The following FAF1 variants were observed in gnomAD, a reference collection of about 807,000 sequenced individuals.
FAF1 encodes FAS-associated factor 1.
FAF1 carries 25 observed loss-of-function variants against 92.5 expected under a neutral mutation model. The observed-to-expected ratio is 0.27, with a 90% CI of 0.20 to 0.38. FAF1 has a LOEUF of 0.38. Ranked by LOEUF, FAF1 falls within the 10% of genes least tolerant of loss-of-function variation. FAF1 has a pLI of 1.00. For missense variants in FAF1, 636 were observed against 793.3 expected, an observed-to-expected ratio of 0.80 and a Z score of 2.38; for synonymous variants, 234 against 273.2, an observed-to-expected ratio of 0.86 and a Z score of 1.42.
chr1:50,761,052 ACAAACACCTCTGTG>A (rs1660305721), intron 4 of FAF1, among the ~76,000 whole-genome samples: 2 of 152,258 alleles, frequency 1.3e-5, no homozygotes, highest in African/African-American at 4.8e-5. Context: ...AGAGAATACT[ACAAACACCTCTGTG>A]CAAATAAACT....
chr1:50,514,320 G>A (rs1647178712), intron 15 of FAF1, among the ~76,000 whole-genome samples: 1 of 152,146 alleles, frequency 6.6e-6, no homozygotes, highest in Admixed American at 6.5e-5. Context: ...AACACCAAAT[G>A]AGCATTTGGT....
chr1:50,482,003 A>AT (rs1646709751), intron 17 of FAF1, among the ~76,000 whole-genome samples: 1 of 152,176 alleles, frequency 6.6e-6, no homozygotes, highest in Non-Finnish European at 1.5e-5. Context: ...TTCCTATTTT[A>AT]AAATTAAGGT....
intron 17 of FAF1, among the ~76,000 whole-genome samples, chr1:50,480,652 T>C (rs1646690051): frequency 6.6e-6 from 1 of 152,212 alleles, no homozygotes; most frequent in South Asian, 2.1e-4. Context: ...ATGTGCCACA[T>C]AGGGACTTTT....
chr1:50,488,681 A>G (rs997282941), intron 17 of FAF1, among the ~76,000 whole-genome samples: 65 of 152,196 alleles, frequency 4.3e-4, no homozygotes, highest in African/African-American at 1.5e-3. Flanking sequence ...AAACAGCTTT[A>G]TAGTCATAAA....
intron 6 of FAF1, among the ~76,000 whole-genome samples, chr1:50,710,046 C>T (rs564324481): frequency 1.1e-4 from 17 of 152,264 alleles, no homozygotes; most frequent in Non-Finnish European, 1.9e-4. Flanking sequence ...ACAGAGAAAA[C>T]CTTAACAATG....
intron 1 of FAF1, among the ~76,000 whole-genome samples, chr1:50,928,501 C>T (rs141656414): frequency 1.2e-4 from 18 of 151,888 alleles, no homozygotes; most frequent in East Asian, 9.7e-4. Flanking sequence ...CTGAGGAAGG[C>T]GGCCAGGCGC....
At chr1:50,481,364 A>T (rs1195414248) in intron 17 of FAF1, among the ~76,000 whole-genome samples, 2 of 152,160 alleles carry the variant, frequency 1.3e-5, no homozygotes, top group Non-Finnish European at 2.9e-5. Context: ...CACAGGTGCA[A>T]CATTTTTTAT....
chr1:50,705,896 A>C lies in FAF1; in HGVS notation c.552-5T>G. On this transcript the variant is annotated splice_region_variant and splice_polypyrimidine_tract_variant and intron_variant, in intron 6 of 18. Coordinates refer to ENST00000396153, the MANE Select transcript of FAF1 (RefSeq NM_007051.3). Reference sequence around the variant, plus strand: ...TTTAATGACTCCTGCAGGGCACTGAAAGGGTTGAAAGAAAAACAAGGAACT... The same window carrying C: ...TTTAATGACTCCTGCAGGGCACTGACAGGGTTGAAAGAAAAACAAGGAACT... 1 of 1,570,824 alleles carries C rather than the reference A, an allele frequency of 6.4e-7. No homozygotes were observed. The highest frequency in any genetic ancestry group is 8.7e-7 in the Non-Finnish European group (1 of 1,143,802).
At chr1:50,889,526 A>G (rs575465272) in intron 1 of FAF1, among the ~76,000 whole-genome samples, 25 of 150,534 alleles carry the variant, frequency 1.7e-4, no homozygotes, top group African/African-American at 5.4e-4. Context: ...CCCTCTACAC[A>G]CTGCTTTAAA....
intron 7 of FAF1, among the ~76,000 whole-genome samples, chr1:50,689,513 G>T (rs1656822128): frequency 6.6e-6 from 1 of 152,192 alleles, no homozygotes; most frequent in Non-Finnish European, 1.5e-5. Flanking sequence ...GGACCCGGGA[G>T]GCAGAGGTTG....
intron 1 of FAF1, among the ~76,000 whole-genome samples, chr1:50,905,140 G>C (rs972306308): frequency 1.3e-5 from 2 of 152,080 alleles, no homozygotes; most frequent in Admixed American, 6.6e-5. Flanking sequence ...TGTGGTGTCT[G>C]TTTTACTGTA....
At chr1:50,766,589 A>G (rs1413150962) in intron 4 of FAF1, among the ~76,000 whole-genome samples, 1 of 151,928 alleles carries the variant, frequency 6.6e-6, no homozygotes, top group Admixed American at 6.6e-5. Flanking sequence ...TTCAGAGTGG[A>G]TGAAGGGAGG....
At chr1:50,540,581 T>A (rs1236400669) in intron 13 of FAF1, among the ~76,000 whole-genome samples, 2 of 152,218 alleles carry the variant, frequency 1.3e-5, no homozygotes, top group Non-Finnish European at 2.9e-5. Flanking sequence ...TACTGAAGTC[T>A]AGCATTAGTA....
chr1:50,732,828 T>C (rs34167075), intron 6 of FAF1, among the ~76,000 whole-genome samples: 1 of 152,176 alleles, frequency 6.6e-6, no homozygotes. Context: ...AATTGCTGTT[T>C]GCTGATGTAT....
intron 18 of FAF1, among the ~76,000 whole-genome samples, chr1:50,442,080 T>G (rs1646174879): frequency 6.6e-6 from 1 of 152,094 alleles, no homozygotes. Flanking sequence ...ACTTTATATT[T>G]TAAAAATTAA....
At chr1:50,943,764 T>C (rs1382987905) in intron 1 of FAF1, among the ~76,000 whole-genome samples, 3 of 152,210 alleles carry the variant, frequency 2.0e-5, no homozygotes. Context: ...TTAATGGTGT[T>C]TCCTTAAACA....
chr1:50,623,309 T>C (rs1653299539), intron 8 of FAF1, among the ~76,000 whole-genome samples: 1 of 152,134 alleles, frequency 6.6e-6, no homozygotes, highest in African/African-American at 2.4e-5. Flanking sequence ...GGCTCACACC[T>C]GTAATCCTAG....
At chr1:50,921,487 CA>C (rs1644962352) in intron 1 of FAF1, among the ~76,000 whole-genome samples, 1 of 152,224 alleles carries the variant, frequency 6.6e-6, no homozygotes, top group African/African-American at 2.4e-5. Flanking sequence ...AGTGGCCAGG[CA>C]TGGTGGCTCG....
At chr1:50,573,223 T>G (rs1650536154) in intron 12 of FAF1, among the ~76,000 whole-genome samples, 1 of 151,820 alleles carries the variant, frequency 6.6e-6, no homozygotes, top group South Asian at 2.1e-4. Context: ...CTCAGCCTCC[T>G]GAGTAGCTGA....
Sources: gnomAD v4.1 joint callset for allele counts (sites outside exome capture counted in the v4.1 genomes callset) on GRCh38, gnomAD v4.1.1 for gene constraint, MANE v1.5 for transcripts, NCBI Gene and HGNC (gene_info 2026-07-23, HGNC 2026-07-21) for gene names.